MTCL3: variants seen among roughly 807,000 people sequenced by gnomAD.
MTCL3 encodes microtubule cross-linking factor 3.
the MTCL3 span, chr6:127,476,434 A>G: frequency 6.2e-7 from 1 of 1,607,598 alleles, no homozygotes; most frequent in Non-Finnish European, 8.5e-7. This position sits in a 1 kb window ranked among gnomAD's most constrained non-coding sequence, Gnocchi z 4.4. Context: ...TTCCTTAACA[A>G]ACTGCAGCTG....
chr6:127,516,000 C>T, the MTCL3 span: 1 of 1,597,248 alleles, frequency 6.3e-7, no homozygotes, highest in Non-Finnish European at 8.5e-7. The surrounding 1 kb of genome is among the most constrained non-coding windows in gnomAD (Gnocchi z 4.3). Flanking sequence ...TGCCGCCCCT[C>T]TGCTGAGCGC....
At chr6:127,478,265 G>A in the MTCL3 span, among the ~76,000 whole-genome samples, 1 of 152,202 alleles carries the variant, frequency 6.6e-6, no homozygotes, top group African/African-American at 2.4e-5. Flanking sequence ...GATAGAGAAT[G>A]AATAAAGAGG....
At chr6:127,475,266 C>G in the MTCL3 span, 2 of 1,558,738 alleles carry the variant, frequency 1.3e-6, no homozygotes, top group Non-Finnish European at 1.7e-6. This position sits in a 1 kb window ranked among gnomAD's most constrained non-coding sequence, Gnocchi z 7.3. Context: ...TGGCCACCGC[C>G]GTGGCTCGCA....
the MTCL3 span, among the ~76,000 whole-genome samples, chr6:127,512,094 G>T: frequency 1.2e-4 from 19 of 152,220 alleles, no homozygotes; most frequent in African/African-American, 4.6e-4. Flanking sequence ...TAATTAAATT[G>T]CTGTTTATCT....
the MTCL3 span, among the ~76,000 whole-genome samples, chr6:127,501,156 C>A: frequency 4.6e-5 from 7 of 152,142 alleles, no homozygotes; most frequent in African/African-American, 1.7e-4. Context: ...ATTGGGAAAA[C>A]TGAGAATTGT....
chr6:127,516,378 T>TTGC, the MTCL3 span: 1 of 1,600,900 alleles, frequency 6.2e-7, no homozygotes, highest in South Asian at 1.1e-5. Context: ...TACCCTGCTG[T>TTGC]TGCTGCTGCT....
the MTCL3 span, among the ~76,000 whole-genome samples, chr6:127,491,281 T>C: frequency 1.3e-5 from 2 of 152,218 alleles, no homozygotes; most frequent in Non-Finnish European, 2.9e-5. Context: ...GGGCAGTCTT[T>C]CATAAAAGGA....
the MTCL3 span, among the ~76,000 whole-genome samples, chr6:127,487,053 C>A: frequency 6.6e-6 from 1 of 152,136 alleles, no homozygotes; most frequent in African/African-American, 2.4e-5. Flanking sequence ...ATGTGTCATG[C>A]ACTTTTCTAA....
the MTCL3 span, among the ~76,000 whole-genome samples, chr6:127,489,537 A>C: frequency 3.9e-5 from 6 of 152,270 alleles, no homozygotes; most frequent in African/African-American, 1.4e-4. Flanking sequence ...AATGCAAAGT[A>C]AAAGTTCTAG....
the MTCL3 span, among the ~76,000 whole-genome samples, chr6:127,480,378 T>C: frequency 6.6e-6 from 1 of 152,228 alleles, no homozygotes; most frequent in East Asian, 1.9e-4. Context: ...AGTTCTTAAT[T>C]GCTGTGCAGT....
At chr6:127,517,307 A>G in the MTCL3 span, among the ~76,000 whole-genome samples, 2 of 152,222 alleles carry the variant, frequency 1.3e-5, no homozygotes, top group South Asian at 4.1e-4. Context: ...TTTATAATAG[A>G]ACTAAAAGAA....
the MTCL3 span, among the ~76,000 whole-genome samples, chr6:127,504,473 AG>A: frequency 6.6e-6 from 1 of 152,180 alleles, no homozygotes; most frequent in Non-Finnish European, 1.5e-5. Flanking sequence ...TTTATGTAAA[AG>A]GCTGAGACAG....
chr6:127,476,076 C>A, the MTCL3 span: 3 of 1,613,754 alleles, frequency 1.9e-6, no homozygotes, highest in African/African-American at 1.3e-5. This position sits in a 1 kb window ranked among gnomAD's most constrained non-coding sequence, Gnocchi z 4.4. Flanking sequence ...CTTCCACCAG[C>A]TGCAGGTGCT....
At chr6:127,506,830 C>T in the MTCL3 span, among the ~76,000 whole-genome samples, 39 of 152,292 alleles carry the variant, frequency 2.6e-4, no homozygotes, top group East Asian at 7.1e-3. Context: ...CCACCCACCT[C>T]GGCCTCCCAA....
the MTCL3 span, among the ~76,000 whole-genome samples, chr6:127,492,397 G>GA: frequency 8.0e-4 from 119 of 148,860 alleles, no homozygotes; most frequent in East Asian, 4.7e-3. Flanking sequence ...CCATAAAAGC[G>GA]AAAAAAAAAG....
At chr6:127,494,436 C>T in the MTCL3 span, among the ~76,000 whole-genome samples, 3 of 152,118 alleles carry the variant, frequency 2.0e-5, no homozygotes, top group Non-Finnish European at 4.4e-5. Context: ...GAGGAAATAG[C>T]ACTGACAAAA....
chr6:127,496,828 C>G, the MTCL3 span, among the ~76,000 whole-genome samples: 1 of 152,048 alleles, frequency 6.6e-6, no homozygotes, highest in Non-Finnish European at 1.5e-5. Context: ...TATTATTTGG[C>G]AATTTACAAA....
the MTCL3 span, among the ~76,000 whole-genome samples, chr6:127,478,074 G>C: frequency 6.6e-6 from 1 of 152,224 alleles, no homozygotes; most frequent in African/African-American, 2.4e-5. Context: ...AGAGATGAGA[G>C]AGCCTTAGCA....
At chr6:127,500,275 C>T in the MTCL3 span, among the ~76,000 whole-genome samples, 1 of 152,072 alleles carries the variant, frequency 6.6e-6, no homozygotes, top group South Asian at 2.1e-4. Context: ...AAAATGAATG[C>T]CAGGGCTAAT....
Sources: gnomAD v4.1 joint callset for allele counts (sites outside exome capture counted in the v4.1 genomes callset) on GRCh38, gnomAD v4.1.1 for gene constraint, Gnocchi (gnomAD v3.1) non-coding constraint, MANE v1.5 for transcripts, NCBI Gene and HGNC (gene_info 2026-07-23, HGNC 2026-07-21) for gene names.